Variants in HSPH1 observed in about 807,000 individuals in gnomAD.
HSPH1 encodes heat shock protein 105 kDa.
In HSPH1, 40 loss-of-function variants were observed where a neutral mutation model predicts 100.0. The ratio of observed to expected loss-of-function variants is 0.40; its 90% CI spans 0.31 to 0.52. The LOEUF is 0.52. Ranked by LOEUF, HSPH1 falls within the 20% of genes least tolerant of loss-of-function variation. HSPH1 has a pLI of 0.54. For missense variants in HSPH1, 876 were observed against 1,015.1 expected, an observed-to-expected ratio of 0.86 and a Z score of 1.86; for synonymous variants, 403 against 344.0, an observed-to-expected ratio of 1.17 and a Z score of -1.90.
intron 2 of HSPH1, among the ~76,000 whole-genome samples, chr13:31,157,168 A>AGATGAAGTATGTCTAGTAGTATAC (rs1956729329): frequency 6.6e-6 from 1 of 152,246 alleles, no homozygotes; most frequent in South Asian, 2.1e-4. Context: ...TCTAAAACTG[A>AGATGAAGTATGTCTAGTAGTATAC]GATGAAGTAT....
chr13:31,152,862 G>A lies in HSPH1; in HGVS notation c.519C>T (p.Asp173=). 1 of 1,607,880 alleles carries A rather than the reference G, an allele frequency of 6.2e-7. No homozygotes were observed. Among genetic ancestry groups the A allele is most frequent in the South Asian group, 1.1e-5 (1 of 90,960 alleles). The change falls in exon 5 of 18, where the codon GAC becomes GAT. Residue 173 remains aspartate, a synonymous_variant. Coordinates refer to ENST00000320027, the MANE Select transcript of HSPH1 (RefSeq NM_006644.4). ...VGLNCLRLMN[D]MTAVALNYGI... Reference sequence around the variant, plus strand: ...ATGCCTTTTCCTTACCAGCTGTCATGTCATTCATAAGTCTTAAACAGTTTA... The same window carrying A: ...ATGCCTTTTCCTTACCAGCTGTCATATCATTCATAAGTCTTAAACAGTTTA...
intron 2 of HSPH1, among the ~76,000 whole-genome samples, chr13:31,158,454 C>T (rs190839430): frequency 1.4e-4 from 20 of 147,766 alleles, no homozygotes; most frequent in Admixed American, 9.7e-4. Context: ...GAGGCTGAGG[C>T]AGGAGAATCG....
chr13:31,145,747 A>C lies in HSPH1; in HGVS notation c.1400T>G (p.Val467Gly). 3 of 1,613,480 alleles carry C rather than the reference A, an allele frequency of 1.9e-6. No homozygotes were observed. Among genetic ancestry groups the C allele is most frequent in the Non-Finnish European group, 2.5e-6 (3 of 1,179,628 alleles). The stretch of plus-strand genomic sequence containing the variant: ...TTTTTCTCCATCTTTCTGTGCAGAA[A>C]CATTCTGAACTACAAAGCGGCCTAG... ...AKIGRFVVQNVSAQKDGEKSR... is the reference protein window; with the variant it reads ...AKIGRFVVQNGSAQKDGEKSR... Residue 467 changes from valine (V) to glycine (G), a missense_variant, in exon 11 of 18, where the codon GTT becomes GGT. Physicochemically the swap from Val to Gly is moderately radical, Grantham distance 109. Transcript: ENST00000320027.
At chr13:31,158,480 CG>C (rs1311901053) in intron 2 of HSPH1, among the ~76,000 whole-genome samples, 2 of 133,142 alleles carry the variant, frequency 1.5e-5, no homozygotes, top group Admixed American at 8.9e-5. Flanking sequence ...ACCCGGGAGG[CG>C]GAGGTTGCAG....
At chr13:31,154,924 G>C (rs567715560) in intron 3 of HSPH1, among the ~76,000 whole-genome samples, 169 bp from the exon 4 acceptor site, 71 of 152,132 alleles carry the variant, frequency 4.7e-4, no homozygotes, top group African/African-American at 1.6e-3. Flanking sequence ...GGGAAGGAGG[G>C]AAGGGGGAGA....
chr13:31,149,153 C>CAT (rs767185656), intron 8 of HSPH1, among the ~76,000 whole-genome samples: 2 of 151,940 alleles, frequency 1.3e-5, no homozygotes, highest in Non-Finnish European at 2.9e-5. Flanking sequence ...ATTAAGGAGG[C>CAT]ATATTCCATT....
Position 31,151,585 on chromosome 13 carries a change from C to CTA in HSPH1, c.663+23_663+24insTA, listed in dbSNP as rs780959952. 4 of 1,595,636 alleles carry CTA rather than the reference C, an allele frequency of 2.5e-6. No homozygotes were observed. In the African/African-American group the frequency reaches 5.4e-5, roughly 22 times the overall value. ...CACAACACTTAACGTGTTTTGGACA[C>CTA]TGAGTTCCAATGTATGACTTTACCT... is the stretch of plus-strand genomic sequence containing the variant. On this transcript the variant is annotated intron_variant, in intron 6 of 17. Coordinates refer to ENST00000320027, the MANE Select transcript of HSPH1 (RefSeq NM_006644.4).
intron 3 of HSPH1, among the ~76,000 whole-genome samples, chr13:31,155,067 C>T (rs1344893117): frequency 6.6e-6 from 1 of 152,134 alleles, no homozygotes; most frequent in Non-Finnish European, 1.5e-5. Flanking sequence ...AGTAAATTTC[C>T]ACTCTAACTG....
In HSPH1 at chr13:31,161,842, T is replaced by G; in HGVS notation, c.-260A>C. The G allele has an allele frequency of 2.7e-6, 4 of 1,476,952 alleles. No homozygotes were observed. The South Asian group carries it at 5.3e-5, about 20-fold the overall frequency. The allele number at this position is 1,476,952 out of a possible 1,614,324, so 91.5% of individuals were successfully genotyped here. A position where few individuals can be genotyped will look rare whatever the true frequency, so the allele number is the denominator to read the frequency against. The stretch of plus-strand genomic sequence containing the variant: ...CAGCCTCCGCAGGTCGCTCCGCACC[T>G]CGGGTTGCCTGCCTCACTCTGCCGC... On this transcript the variant is annotated 5_prime_UTR_variant, in exon 1 of 18. Coordinates refer to ENST00000320027, the MANE Select transcript of HSPH1 (RefSeq NM_006644.4).
chr13:31,151,421 T>TA, intron 6 of HSPH1, 188 bp downstream of exon 6: 1 of 681,524 alleles, frequency 1.5e-6, no homozygotes, highest in African/African-American at 1.8e-5. Flanking sequence ...CAAGAACACT[T>TA]AAGAGTATGC....
Position 31,138,762 on chromosome 13 carries a change from T to A in HSPH1, c.2208+19A>T. 3 of 1,595,766 alleles carry A rather than the reference T, an allele frequency of 1.9e-6. No individual in the cohort carries two copies. Among genetic ancestry groups the A allele is most frequent in the Non-Finnish European group, 2.6e-6 (3 of 1,174,828 alleles). On this transcript the variant is annotated intron_variant, in intron 16 of 17. Coordinates refer to ENST00000320027, the MANE Select transcript of HSPH1 (RefSeq NM_006644.4). ...AATCTAGGTTAACTTCCTCCCTATG[T>A]ACAAAAAGACTGACTCACCTTATTT...
chr13:31,141,795 CAT>C lies in HSPH1; in HGVS notation c.1717-538_1717-537del, dbSNP rs1177218597. On this transcript the variant is annotated intron_variant, in intron 12 of 17. Transcript: ENST00000320027. The stretch of plus-strand genomic sequence containing the variant: ...AGTACATATATATATACTCCATACA[CAT>C]ACATACACACACACACACACACACA... 5.1e-3 allele frequency among the ~76,000 whole-genome samples: 354 copies of C among 70,034 alleles called. 1 individual carries two copies. The highest frequency in any genetic ancestry group is 0.018 in the African/African-American group (332 of 18,942). 45.9% of individuals were successfully genotyped at this position (70,034 alleles called of 152,430 possible). A position where few individuals can be genotyped will look rare whatever the true frequency, so the allele number is the denominator to read the frequency against.
upstream of HSPH1, chr13:31,162,360 G>T (rs1041514585): frequency 2.0e-5 from 11 of 548,002 alleles, no homozygotes; most frequent in Admixed American, 9.3e-5. Context: ...AGAGCATGTT[G>T]GGAATCGTAG....
intron 17 of HSPH1, 131 bp from the exon 18 acceptor site, chr13:31,137,655 A>G: frequency 3.0e-6 from 2 of 676,190 alleles, no homozygotes; most frequent in South Asian, 2.0e-5. Flanking sequence ...ACATTTTCTC[A>G]TTACACTTGC....
chr13:31,150,182 C>A lies in HSPH1; in HGVS notation c.909G>T (p.Arg303Ser). ...NDKDVSGKMN[R>S]SQFEELCAEL... is the part of the protein sequence containing the mutation. The stretch of plus-strand genomic sequence containing the variant: ...CAGCACAGAGTTCTTCAAATTGTGA[C>A]CTTAGCAAATAAAAACTTGTTTTTA... Residue 303 changes from arginine to serine, a missense_variant and splice_region_variant, in exon 8 of 18, where the codon AGG (arginine) becomes AGT (serine). Physicochemically the swap from Arg to Ser is moderately radical, Grantham distance 110 (BLOSUM62 -1). Coordinates refer to ENST00000320027, the MANE Select transcript of HSPH1 (RefSeq NM_006644.4). 6.4e-7 allele frequency: 1 copy of A among 1,561,168 alleles called. No homozygotes were observed. The highest frequency in any genetic ancestry group is 8.7e-7 in the Non-Finnish European group (1 of 1,152,238).
At chr13:31,146,524 C>T (rs1261139277) in intron 10 of HSPH1, among the ~76,000 whole-genome samples, 1 of 152,134 alleles carries the variant, frequency 6.6e-6, no homozygotes, top group African/African-American at 2.4e-5. Flanking sequence ...AATCCTATAA[C>T]CTTTTAAAGA....
rs748535889 is a variant in HSPH1, at chr13:31,138,413, T to A, written c.2364A>T (p.Lys788Asn). 1 of 1,612,782 alleles carries A rather than the reference T, an allele frequency of 6.2e-7. No individual in the cohort carries two copies. The highest frequency in any genetic ancestry group is 2.2e-5 in the East Asian group (1 of 44,852). The stretch of plus-strand genomic sequence containing the variant: ...ACGAGACAGTAACACTCACCTTGAT[T>A]TTTGTTTTAATTTCCTGAGCACGTA... The part of the protein sequence containing the change: ...PVVRAQEIKT[K>N]IKELNNTCEP... The change falls in exon 17 of 18, where the codon AAA becomes AAT. Residue 788 changes from lysine (K) to asparagine (N), a missense_variant. By Grantham distance (94) the Lys-to-Asn change is moderately conservative. Coordinates refer to ENST00000320027, the MANE Select transcript of HSPH1 (RefSeq NM_006644.4).
At chr13:31,158,381 T>C (rs1956774108) in intron 2 of HSPH1, among the ~76,000 whole-genome samples, 1 of 151,844 alleles carries the variant, frequency 6.6e-6, no homozygotes, top group Non-Finnish European at 1.5e-5. Context: ...AAACCCCATC[T>C]CCACTAAAAA....
intron 10 of HSPH1, 98 bp from the exon 11 acceptor site, chr13:31,145,866 TC>T: frequency 9.0e-7 from 1 of 1,110,638 alleles, no homozygotes. Context: ...ATGTCTGTAA[TC>T]CCAGCACTTT....
Sources: allele counts gnomAD v4.1 joint callset (sites outside exome capture counted in the v4.1 genomes callset), GRCh38; gene constraint gnomAD v4.1.1; transcripts MANE v1.5; gene names NCBI Gene and HGNC (gene_info 2026-07-23, HGNC 2026-07-21).